NARF: variants seen among roughly 807,000 people sequenced by gnomAD.
NARF encodes the protein iron-only hydrogenase-like protein 2.
In NARF, 41 loss-of-function variants were observed where a neutral mutation model predicts 48.0. The ratio of observed to expected loss-of-function variants is 0.85; its 90% CI spans 0.66 to 1.11. The LOEUF is 1.11. Among genes scored for constraint, NARF ranks in the 50% least tolerant of loss-of-function variants. The pLI is 0.00. For missense variants in NARF, 613 were observed against 590.2 expected (o/e 1.04, Z -0.40); for synonymous variants, 215 against 225.5 (o/e 0.95, Z 0.42).
rs952883640 is a variant in NARF at position 82,481,856 on chromosome 17, G to A, written c.769+645G>A. 1.6e-5 allele frequency: 6 copies of A among 366,454 alleles called. No homozygotes were observed. The Middle Eastern group carries it at 1.5e-3, about 92-fold the overall frequency. 22.7% of individuals were successfully genotyped at this position (366,454 alleles called of 1,614,324 possible). On this transcript the variant is annotated intron_variant, in intron 7 of 10. Transcript: ENST00000309794. ...GGTGGGAAAGTTGTCTATAGCCATA[G>A]CGGGTCTCCTAATCACAAACCAAGT...
chr17:82,470,998 A>C (rs954207325), intron 4 of NARF, among the ~76,000 whole-genome samples: 1 of 150,272 alleles, frequency 6.7e-6, no homozygotes, highest in Non-Finnish European at 1.5e-5. Flanking sequence ...CCCCATCTCC[A>C]CTAAAAATAC....
intron 5 of NARF, among the ~76,000 whole-genome samples, chr17:82,472,963 CAG>C (rs1315126537): frequency 1.3e-5 from 2 of 151,658 alleles, no homozygotes; most frequent in Non-Finnish European, 2.9e-5. Context: ...TTTTTTGAGA[CAG>C]AGTCTCGCTC....
chr17:82,466,985 A>ACG (rs1258229157), intron 3 of NARF, among the ~76,000 whole-genome samples: 1 of 142,974 alleles, frequency 7.0e-6, no homozygotes, highest in East Asian at 2.1e-4. Flanking sequence ...AAGCCACCGT[A>ACG]CCTGGCCTTC....
At chr17:82,480,474 A>G in intron 6 of NARF, 1 of 401,916 alleles carries the variant, frequency 2.5e-6, no homozygotes, top group South Asian at 1.3e-4. Flanking sequence ...GGGGCTTTGC[A>G]GATGTTTGGG....
chr17:82,473,789 C>G (rs1170231969), intron 5 of NARF, among the ~76,000 whole-genome samples: 1 of 151,884 alleles, frequency 6.6e-6, no homozygotes, highest in Non-Finnish European at 1.5e-5. Flanking sequence ...AAATCCTGAC[C>G]TCAAGTGATC....
chr17:82,473,913 G>T (rs1471678645), intron 5 of NARF, among the ~76,000 whole-genome samples: 1 of 152,068 alleles, frequency 6.6e-6, no homozygotes, highest in Non-Finnish European at 1.5e-5. Context: ...GCCAGGCATG[G>T]TGGCTCACAG....
chr17:82,472,440 T>C, intron 4 of NARF, 124 bp from the exon 5 acceptor site: 21 of 1,078,774 alleles, frequency 1.9e-5, no homozygotes, highest in Non-Finnish European at 2.4e-5. Context: ...GCCGAGATTA[T>C]GCCACTGCAC....
At position 82,480,783 on chromosome 17, in the gene NARF, T is replaced by G. The variant is rs940447138; in HGVS notation, c.640-299T>G. On this transcript the variant is annotated intron_variant, in intron 6 of 10. Transcript: ENST00000309794. ...CCCATCTCTACTAAAGTACAAAAAA[T>G]TAGCCAGGCGTGGCGGCATGCGCCT... 7 of 499,996 alleles carry G rather than the reference T, an allele frequency of 1.4e-5. No homozygotes were observed. In the Admixed American group the frequency reaches 2.5e-4, roughly 18 times the overall value. 31.0% of individuals were successfully genotyped at this position (499,996 alleles called of 1,614,324 possible).
rs11400755 is a variant in NARF at position 82,488,380 on chromosome 17, C to CTT, written c.*235_*236dup. The CTT allele has an allele frequency of 2.3e-3, 1,007 of 446,816 alleles. No individual in the cohort carries two copies. Among genetic ancestry groups the CTT allele is most frequent in the Non-Finnish European group, 2.8e-3 (752 of 270,888 alleles). 27.7% of individuals were successfully genotyped at this position (446,816 alleles called of 1,614,324 possible). On this transcript the variant is annotated 3_prime_UTR_variant, in exon 11 of 11. Coordinates refer to ENST00000309794, the MANE Select transcript of NARF (RefSeq NM_012336.4). Reference sequence around the variant, plus strand: ...GGTGTGGGATTGGAACTTTTTTTTTCTTTTTTTTTTTTTGAGACGGAGTCT... The same window carrying CTT: ...GGTGTGGGATTGGAACTTTTTTTTTCTTTTTTTTTTTTTTTGAGACGGAGTCT...
At chr17:82,473,564 G>A (rs1454030669) in intron 5 of NARF, among the ~76,000 whole-genome samples, 1 of 150,740 alleles carries the variant, frequency 6.6e-6, no homozygotes, top group Non-Finnish European at 1.5e-5. Flanking sequence ...TGTTAGTCAG[G>A]ATGGTCTCGA....
At chr17:82,458,869 T>C (rs750583676) in intron 1 of NARF, 39 bp downstream of exon 1, 11 of 1,367,904 alleles carry the variant, frequency 8.0e-6, no homozygotes, top group Non-Finnish European at 1.0e-5. Flanking sequence ...GCCTGGTGCT[T>C]GTCCTGTGGG....
At chr17:82,483,624 C>G in intron 7 of NARF, 92 bp from the exon 8 acceptor site, 2 of 1,221,772 alleles carry the variant, frequency 1.6e-6, no homozygotes, top group Non-Finnish European at 2.4e-6. Flanking sequence ...AGGGAGGTCA[C>G]CCAGGGTCAC....
intron 3 of NARF, among the ~76,000 whole-genome samples, chr17:82,467,732 G>A (rs1215130658): frequency 6.6e-6 from 1 of 152,236 alleles, no homozygotes; most frequent in Non-Finnish European, 1.5e-5. Flanking sequence ...TTGAACTCCT[G>A]ACCTCAAATG....
intron 7 of NARF, chr17:82,483,306 T>G: frequency 3.0e-6 from 1 of 335,004 alleles, no homozygotes; most frequent in Non-Finnish European, 5.9e-6. Context: ...GCGGCGGAGG[T>G]GAGACTCCAT....
intron 5 of NARF, 77 bp downstream of exon 5, chr17:82,472,775 G>A: frequency 6.5e-7 from 1 of 1,527,524 alleles, no homozygotes; most frequent in African/African-American, 1.4e-5. Flanking sequence ...CTCTAGATGA[G>A]GTTGGAGGCA....
intron 6 of NARF, 104 bp downstream of exon 6, chr17:82,479,022 C>T: frequency 1.9e-6 from 2 of 1,068,912 alleles, no homozygotes; most frequent in South Asian, 3.3e-5. Flanking sequence ...GGTCACGGCC[C>T]CCCAGGTGAG....
chr17:82,470,910 C>T (rs543923254), intron 4 of NARF, among the ~76,000 whole-genome samples: 3 of 152,178 alleles, frequency 2.0e-5, no homozygotes, highest in Non-Finnish European at 4.4e-5. Context: ...TGTCTGTAAT[C>T]CCAGCACTTT....
intron 5 of NARF, 119 bp downstream of exon 5, chr17:82,472,817 A>G: frequency 7.9e-7 from 1 of 1,269,780 alleles, no homozygotes; most frequent in Non-Finnish European, 1.0e-6. Flanking sequence ...CTTGTAGACC[A>G]GGAGGGAAGA....
intron 3 of NARF, among the ~76,000 whole-genome samples, chr17:82,465,819 G>A (rs1366132205): frequency 1.3e-5 from 2 of 152,186 alleles, no homozygotes; most frequent in East Asian, 3.8e-4. Context: ...TCCAGCCTCA[G>A]CCTCCCAAAG....
Sources: gnomAD v4.1 joint callset for allele counts (sites outside exome capture counted in the v4.1 genomes callset) on GRCh38, gnomAD v4.1.1 for gene constraint, MANE v1.5 for transcripts, NCBI Gene and HGNC (gene_info 2026-07-23, HGNC 2026-07-21) for gene names.